The following PDZRN4 variants were observed in gnomAD, a reference collection of about 807,000 sequenced individuals.
The protein encoded by PDZRN4 is PDZ domain containing ring finger 4.
A neutral mutation model predicts 99.0 loss-of-function variants in PDZRN4; 70 were observed. That is an observed-to-expected ratio of 0.71 (90% CI 0.58 to 0.86). The LOEUF (loss-of-function observed/expected upper bound fraction) is 0.86, where lower values mean the gene tolerates loss of function less well. Among genes scored for constraint, PDZRN4 ranks in the 40% least tolerant of loss-of-function variants. The probability of loss-of-function intolerance (pLI) is 0.00; values close to 1 mark genes in which losing one functional copy is unlikely to be tolerated. For missense variants in PDZRN4, 1,474 were observed against 1,331.2 expected, an observed-to-expected ratio of 1.11 and a Z score of -1.67; for synonymous variants, 551 against 501.6, an observed-to-expected ratio of 1.10 and a Z score of -1.32.
At chr12:41,432,231 A>G (rs1952591961) in intron 3 of PDZRN4, among the ~76,000 whole-genome samples, 1 of 152,242 alleles carries the variant, frequency 6.6e-6, no homozygotes, top group Non-Finnish European at 1.5e-5. Flanking sequence ...TGAATCATAC[A>G]GTACTCATTT....
chr12:41,428,717 A>ATG (rs1952560859), intron 3 of PDZRN4, among the ~76,000 whole-genome samples: 1 of 152,108 alleles, frequency 6.6e-6, no homozygotes, highest in South Asian at 2.1e-4. Flanking sequence ...GGGCTTACAA[A>ATG]TGTGTGTGTG....
At chr12:41,472,745 T>C (rs1342698682) in intron 3 of PDZRN4, among the ~76,000 whole-genome samples, 2 of 152,230 alleles carry the variant, frequency 1.3e-5, no homozygotes, top group Admixed American at 6.5e-5. Flanking sequence ...GAGATGGTAG[T>C]AATACCATTT....
At chr12:41,449,560 C>T (rs113502403) in intron 3 of PDZRN4, among the ~76,000 whole-genome samples, 2,686 of 152,086 alleles carry the variant, frequency 0.018, 54 homozygotes, top group East Asian at 0.092. Context: ...TGGATGTGCA[C>T]GCAAATAACT....
At chr12:41,313,061 C>A (rs1951617455) in intron 3 of PDZRN4, among the ~76,000 whole-genome samples, 1 of 152,124 alleles carries the variant, frequency 6.6e-6, no homozygotes, top group Admixed American at 6.6e-5. Flanking sequence ...CTGTATTATC[C>A]ATCTGTGTGA....
rs141107204 is a variant in PDZRN4, at chr12:41,251,478, T to G, written c.843+57290T>G. ...CCAAGCTTCATTATAAATTTGGTATTTGTTCTTACTTCAATTTTAGCAGAG... is the reference window on the plus strand; with the variant it reads ...CCAAGCTTCATTATAAATTTGGTATGTGTTCTTACTTCAATTTTAGCAGAG... On this transcript the variant is annotated intron_variant, in intron 3 of 9. Coordinates refer to ENST00000402685, the MANE Select transcript of PDZRN4 (RefSeq NM_001164595.2). Among the ~76,000 whole-genome samples the G allele has an allele frequency of 1.0e-3, 159 of 152,274 alleles. 5 individuals are homozygous for G. Among genetic ancestry groups the G allele is most frequent in the Admixed American group, 9.4e-3 (144 of 15,286 alleles).
intron 3 of PDZRN4, among the ~76,000 whole-genome samples, chr12:41,358,401 G>A (rs567336113): frequency 4.0e-5 from 6 of 151,898 alleles, no homozygotes; most frequent in East Asian, 1.9e-4. Flanking sequence ...TTTATTAATA[G>A]CATCATTATT....
At chr12:41,303,516 C>T (rs1393003845) in intron 3 of PDZRN4, among the ~76,000 whole-genome samples, 1 of 152,154 alleles carries the variant, frequency 6.6e-6, no homozygotes, top group Non-Finnish European at 1.5e-5. Context: ...CTGAAGAACT[C>T]GCCTCTTTCC....
chr12:41,229,863 A>C (rs957514557), intron 3 of PDZRN4, among the ~76,000 whole-genome samples: 2 of 152,026 alleles, frequency 1.3e-5, no homozygotes, highest in Non-Finnish European at 2.9e-5. Context: ...GCCAGGCTGG[A>C]AGCTAAGGGA....
intron 3 of PDZRN4, among the ~76,000 whole-genome samples, chr12:41,380,992 G>A (rs1952120993): frequency 6.6e-6 from 1 of 152,074 alleles, no homozygotes; most frequent in Admixed American, 6.6e-5. Context: ...GCTTTGCTAT[G>A]TATAGTATGG....
intron 7 of PDZRN4, among the ~76,000 whole-genome samples, chr12:41,559,956 G>T (rs937728169): frequency 2.6e-5 from 4 of 152,022 alleles, no homozygotes; most frequent in African/African-American, 9.7e-5. Flanking sequence ...ATGATTGTAA[G>T]TTTCCTAAGG....
At chr12:41,469,121 C>G (rs1352301577) in intron 3 of PDZRN4, among the ~76,000 whole-genome samples, 1 of 152,104 alleles carries the variant, frequency 6.6e-6, no homozygotes, top group Non-Finnish European at 1.5e-5. Flanking sequence ...CAGTGAGATA[C>G]TAGGCAAAGA....
rs150926639 is a variant in PDZRN4, at chr12:41,337,282, T to C, written c.843+143094T>C. 3.1e-3 allele frequency among the ~76,000 whole-genome samples: 474 copies of C among 152,134 alleles called. 5 individuals carry two copies. The highest frequency in any genetic ancestry group is 0.011 in the African/African-American group (451 of 41,512). ...GTGGTTTCAATGTGACTAGGGGGAT[T>C]TGAGAATTTTAAACTTTTCTCCACT... On this transcript the variant is annotated intron_variant, in intron 3 of 9. Transcript: ENST00000402685.
Position 41,188,354 on chromosome 12 carries a change from C to A in PDZRN4, c.-102C>A. Reference sequence around the variant, plus strand: ...CCCACCCGCCACCTCCCTCCACTGCCGCCGCCGCGAGACGGCTGCCCCGGG... The same window carrying A: ...CCCACCCGCCACCTCCCTCCACTGCAGCCGCCGCGAGACGGCTGCCCCGGG... On this transcript the variant is annotated 5_prime_UTR_variant, in exon 1 of 10. Transcript: ENST00000402685. 3 of 1,172,236 alleles carry A rather than the reference C, an allele frequency of 2.6e-6. No homozygotes were observed. The highest frequency in any genetic ancestry group is 3.5e-6 in the Non-Finnish European group (3 of 865,160). The allele number at this position is 1,172,236 out of a possible 1,614,324, so 72.6% of individuals were successfully genotyped here.
At chr12:41,539,476 T>C (rs903362141) in intron 5 of PDZRN4, among the ~76,000 whole-genome samples, 1 of 152,118 alleles carries the variant, frequency 6.6e-6, no homozygotes, top group Non-Finnish European at 1.5e-5. Context: ...GGAACAATTA[T>C]TATTACATTC....
chr12:41,503,970 T>C (rs1183666983), intron 3 of PDZRN4, among the ~76,000 whole-genome samples: 1 of 152,100 alleles, frequency 6.6e-6, no homozygotes, highest in African/African-American at 2.4e-5. Flanking sequence ...TTCCAGTAGA[T>C]ATATTGAATA....
At chr12:41,341,687 A>G (rs1373784125) in intron 3 of PDZRN4, among the ~76,000 whole-genome samples, 1 of 151,882 alleles carries the variant, frequency 6.6e-6, no homozygotes, top group Non-Finnish European at 1.5e-5. Context: ...ACATTGATAG[A>G]AGAAATTGAA....
intron 3 of PDZRN4, among the ~76,000 whole-genome samples, chr12:41,335,114 G>C (rs1014714170): frequency 1.4e-4 from 22 of 152,010 alleles, no homozygotes; most frequent in Admixed American, 1.0e-3. Context: ...AAAGTCTACT[G>C]TTCATGCAAT....
intron 3 of PDZRN4, among the ~76,000 whole-genome samples, chr12:41,398,896 CTCTAAT>C (rs564670477): frequency 1.2e-3 from 190 of 152,202 alleles, no homozygotes; most frequent in African/African-American, 3.8e-3. Flanking sequence ...TCCCTTAGTG[CTCTAAT>C]TCTAAGATTT....
intron 3 of PDZRN4, among the ~76,000 whole-genome samples, chr12:41,373,879 T>C (rs1189575028): frequency 6.6e-6 from 1 of 152,190 alleles, no homozygotes; most frequent in Non-Finnish European, 1.5e-5. Flanking sequence ...AGTATTAATT[T>C]GGGGAACTAA....
Sources: gnomAD v4.1 joint callset for allele counts (sites outside exome capture counted in the v4.1 genomes callset) on GRCh38, gnomAD v4.1.1 for gene constraint, MANE v1.5 for transcripts, NCBI Gene and HGNC (gene_info 2026-07-23, HGNC 2026-07-21) for gene names.